The following MYO7B variants were observed in gnomAD, a reference collection of about 807,000 sequenced individuals.
MYO7B encodes myosin VIIB, also known as unconventional myosin-VIIb.
In MYO7B, 212 loss-of-function variants were observed where a neutral mutation model predicts 259.7. The observed-to-expected ratio is 0.82, with a 90% CI of 0.73 to 0.91. The LOEUF is 0.91. Ranked by LOEUF, MYO7B falls within the 40% of genes least tolerant of loss-of-function variation. The pLI, the probability that MYO7B is intolerant of heterozygous loss-of-function variation, is 0.00. For missense variants in MYO7B, 2,732 were observed against 2,813.5 expected (o/e 0.97, Z 0.66); for synonymous variants, 1,197 against 1,166.4 (o/e 1.03, Z -0.54).
rs745347152 is a variant in MYO7B, at chr2:127,637,298, C to T, written c.6328-18C>T. On this transcript the variant is annotated intron_variant, in intron 47 of 47. Transcript: ENST00000409816. Reference sequence around the variant, plus strand: ...CCCTCTGCACCCACAGCCTCTGACCCCCCCGTCCCCTGTCCAGGGCTATAA... The same window carrying T: ...CCCTCTGCACCCACAGCCTCTGACCTCCCCGTCCCCTGTCCAGGGCTATAA... 1 of 1,488,530 alleles carries T rather than the reference C, an allele frequency of 6.7e-7. No homozygotes were observed. The highest frequency in any genetic ancestry group is 8.9e-7 in the Non-Finnish European group (1 of 1,125,226). 92.2% of individuals were successfully genotyped at this position (1,488,530 alleles called of 1,614,324 possible).
At position 127,635,762 on chromosome 2, in the gene MYO7B, G is replaced by A. The variant is rs933354528; in HGVS notation, c.5861G>A (p.Arg1954Gln). The change falls in exon 44 of 48, where the codon CGG becomes CAG. Residue 1954 changes from arginine (R) to glutamine (Q), a missense_variant. Physicochemically the swap from Arg to Gln is conservative, Grantham distance 43 (BLOSUM62 1). Coordinates refer to ENST00000409816, the MANE Select transcript of MYO7B (RefSeq NM_001393586.1). ...CTGCGCGGATTCCACAAGTGTTCGC[G>A]GGAGGATGCCATCCACCTGGCGGGC... is the stretch of plus-strand genomic sequence containing the variant. ...KYLRGFHKCS[R>Q]EDAIHLAGLI... 1.3e-5 allele frequency: 21 copies of A among 1,603,026 alleles called. No individual in the cohort carries two copies. Among genetic ancestry groups the A allele is most frequent in the African/African-American group, 4.0e-5 (3 of 74,656 alleles).
chr2:127,631,023 A>C, intron 36 of MYO7B, 115 bp downstream of exon 36: 1 of 1,387,800 alleles, frequency 7.2e-7, no homozygotes, highest in South Asian at 1.4e-5. Context: ...TGAGAGCTGC[A>C]GAGAGGCCAC....
At chr2:127,572,504 CCTTTCTTTTTCTCCTTCCTTCCTTT>C (rs1558807849) in intron 6 of MYO7B, among the ~76,000 whole-genome samples, 2 of 147,018 alleles carry the variant, frequency 1.4e-5, no homozygotes, top group African/African-American at 2.7e-5. Flanking sequence ...CTCCTTCCTT[CCTTTCTTTTTCTCCTTCCTTCCTTT>C]CTTTTTCTCC....
intron 19 of MYO7B, among the ~76,000 whole-genome samples, chr2:127,605,422 TC>T (rs1378098626): frequency 1.3e-5 from 2 of 152,014 alleles, no homozygotes; most frequent in African/African-American, 4.8e-5. Flanking sequence ...GTGGTGAAAC[TC>T]CATCTCTACT....
chr2:127,632,259 C>T lies in MYO7B; in HGVS notation c.5263C>T (p.Arg1755Trp), dbSNP rs530176026. The change falls in exon 39 of 48, where the codon CGG becomes TGG. Residue 1755 changes from arginine (R) to tryptophan (W), a missense_variant. Physicochemically the swap from Arg to Trp is moderately radical, Grantham distance 101. Transcript: ENST00000409816. ...GCTACCCTTCAGGCACAGCGAAGAG[C>T]GGGGCTGGCAGCTGCTGTGGCTGTG... ...THNSNRHSEE[R>W]GWQLLWLCTG... The T allele has an allele frequency of 2.9e-5, 47 of 1,611,808 alleles. No individual in the cohort carries two copies. The Middle Eastern group carries it at 1.5e-3, about 51-fold the overall frequency.
At chr2:127,625,634 C>T in intron 31 of MYO7B, 99 bp downstream of exon 31, 1 of 1,277,024 alleles carries the variant, frequency 7.8e-7, no homozygotes, top group Non-Finnish European at 1.0e-6. Context: ...TCCCCACAAC[C>T]CCCACCCCCT....
At chr2:127,549,723 T>C in intron 1 of MYO7B, among the ~76,000 whole-genome samples, 1 of 152,106 alleles carries the variant, frequency 6.6e-6, no homozygotes, top group South Asian at 2.1e-4. Flanking sequence ...TTGGTGGGTC[T>C]GGAGATCAGG....
In MYO7B at chr2:127,569,766, G is replaced by A. The variant is rs772811889; in HGVS notation, c.471-23G>A. ...AAAAATAGTCGTTTTGTGGCATCAT[G>A]TCCCTGCACACCCTTTTTGCAGCGG... On this transcript the variant is annotated intron_variant, in intron 5 of 47. Coordinates refer to ENST00000409816, the MANE Select transcript of MYO7B (RefSeq NM_001393586.1). The A allele has an allele frequency of 2.7e-5, 43 of 1,597,830 alleles. No individual in the cohort carries two copies. In the Middle Eastern group the frequency reaches 8.3e-4, roughly 31 times the overall value.
chr2:127,608,824 C>T lies in MYO7B; in HGVS notation c.2760C>T (p.Gly920=), dbSNP rs1680262443. The T allele has an allele frequency of 6.2e-7, 1 of 1,613,396 alleles. No homozygotes were observed. Among genetic ancestry groups the T allele is most frequent in the East Asian group, 2.2e-5 (1 of 44,868 alleles). Residue 920 remains glycine, a synonymous_variant, in exon 22 of 48, where the codon GGC becomes GGT. Transcript: ENST00000409816. ...TDTEMVEKVF[G]FLPAMIGGQE... is the part of the protein sequence containing the mutation. The stretch of plus-strand genomic sequence containing the variant: ...CGGAGATGGTGGAGAAGGTGTTCGG[C>T]TTCCTCCCTGCCATGATTGGGGGCC...
intron 30 of MYO7B, 138 bp downstream of exon 30, chr2:127,624,458 C>T: frequency 2.7e-6 from 2 of 751,414 alleles, no homozygotes; most frequent in Non-Finnish European, 2.1e-6. Flanking sequence ...TAGGTCCCTT[C>T]CAGGCCCAGC....
chr2:127,588,437 C>T lies in MYO7B; in HGVS notation c.1736C>T (p.Thr579Ile). The change falls in exon 15 of 48, where the codon ACC becomes ATC. Residue 579 changes from threonine (T) to isoleucine (I), a missense_variant. By Grantham distance (89) the Thr-to-Ile change is moderately conservative (BLOSUM62 -1). Around this residue, in one of 3 missense-constraint regions of MYO7B, gnomAD observed 1,906 missense variants for 2,026.4 expected, o/e 0.94. Coordinates refer to ENST00000409816, the MANE Select transcript of MYO7B (RefSeq NM_001393586.1). ...NRDVLSTDIL[T>I]LVYSSKNKFL... ...GACGTGCTGAGCACAGATATCCTCACCCTGGTTTACTCCTCCAAAAACAAG... is the reference window on the plus strand; with the variant it reads ...GACGTGCTGAGCACAGATATCCTCATCCTGGTTTACTCCTCCAAAAACAAG... The T allele has an allele frequency of 6.2e-7, 1 of 1,613,186 alleles. No individual in the cohort carries two copies. The highest frequency in any genetic ancestry group is 8.5e-7 in the Non-Finnish European group (1 of 1,179,866).
At chr2:127,540,391 T>G (rs949615763) in intron 1 of MYO7B, among the ~76,000 whole-genome samples, 2 of 152,218 alleles carry the variant, frequency 1.3e-5, no homozygotes, top group Non-Finnish European at 2.9e-5. Flanking sequence ...CTCGAACTCC[T>G]GACCTCAGGT....
intron 19 of MYO7B, among the ~76,000 whole-genome samples, chr2:127,599,872 A>G (rs1264289699): frequency 6.6e-6 from 1 of 152,232 alleles, no homozygotes; most frequent in African/African-American, 2.4e-5. Context: ...CCACTCGGTC[A>G]TAGTGTATAA....
rs1251611733 is a variant in MYO7B, at chr2:127,576,820, T to G, written c.849+112T>G. 6.9e-6 allele frequency: 5 copies of G among 724,326 alleles called. No homozygotes were observed. The African/African-American group carries it at 7.2e-5, about 10-fold the overall frequency. The allele number at this position is 724,326 out of a possible 1,614,324, so 44.9% of individuals were successfully genotyped here. The stretch of plus-strand genomic sequence containing the variant: ...AGAAGCCCAACGCTGGCCGGGCCCC[T>G]GAGGCGGGGCTGGTTCCCTTTGCCT... On this transcript the variant is annotated intron_variant, in intron 8 of 47. Coordinates refer to ENST00000409816, the MANE Select transcript of MYO7B (RefSeq NM_001393586.1). The surrounding 1 kb of genome is among the most constrained non-coding windows in gnomAD (Gnocchi z 4.9).
intron 25 of MYO7B, 52 bp from the exon 26 acceptor site, chr2:127,612,424 T>C: frequency 6.5e-7 from 1 of 1,550,254 alleles, no homozygotes; most frequent in Non-Finnish European, 8.7e-7. Context: ...GTTTCCTACT[T>C]GGCAGATGGG....
chr2:127,567,909 A>G (rs1678424572), intron 5 of MYO7B, among the ~76,000 whole-genome samples: 2 of 152,144 alleles, frequency 1.3e-5, no homozygotes, highest in African/African-American at 4.8e-5. Flanking sequence ...CGGCCTCTTC[A>G]TTAGATAGGG....
intron 1 of MYO7B, among the ~76,000 whole-genome samples, chr2:127,555,493 C>T (rs190051319): frequency 1.3e-5 from 2 of 152,164 alleles, no homozygotes; most frequent in East Asian, 3.9e-4. Context: ...CCTTAGATTG[C>T]CTATTTGTGC....
chr2:127,636,107 C>A lies in MYO7B; in HGVS notation c.6007-101C>A. The stretch of plus-strand genomic sequence containing the variant: ...TCCCATGCTGCATTCCTCCCCTCCC[C>A]TCCCCACCGTACTAGCCCTGGGGTA... On this transcript the variant is annotated intron_variant, in intron 44 of 47. Coordinates refer to ENST00000409816, the MANE Select transcript of MYO7B (RefSeq NM_001393586.1). The surrounding 1 kb of genome is among the most constrained non-coding windows in gnomAD (Gnocchi z 4.5). The A allele has an allele frequency of 8.7e-7, 1 of 1,143,986 alleles. No individual in the cohort carries two copies. The highest frequency in any genetic ancestry group is 1.3e-6 in the Non-Finnish European group (1 of 788,194). 70.9% of individuals were successfully genotyped at this position (1,143,986 alleles called of 1,614,324 possible).
At chr2:127,594,323 C>G (rs1370144333) in intron 18 of MYO7B, among the ~76,000 whole-genome samples, 1 of 152,254 alleles carries the variant, frequency 6.6e-6, no homozygotes, top group Non-Finnish European at 1.5e-5. Context: ...AGAGGAATAA[C>G]TGGGAGCAGA....
Sources: allele counts gnomAD v4.1 joint callset (sites outside exome capture counted in the v4.1 genomes callset), GRCh38; gene constraint gnomAD v4.1.1; regional missense constraint gnomAD v4.1.1; non-coding constraint Gnocchi (gnomAD v3.1); transcripts MANE v1.5; gene names NCBI Gene and HGNC (gene_info 2026-07-23, HGNC 2026-07-21).